SYNDIG1: variants seen among roughly 807,000 people sequenced by gnomAD.
SYNDIG1 encodes the protein synapse differentiation inducing 1.
A neutral mutation model predicts 19.4 loss-of-function variants in SYNDIG1; 9 were observed. The observed-to-expected ratio is 0.46, with a 90% CI of 0.28 to 0.81. SYNDIG1 has a LOEUF of 0.81. SYNDIG1 is among the 30% of genes least tolerant of loss of function. SYNDIG1 has a pLI of 0.12. For synonymous variants in SYNDIG1, 141 were observed against 145.9 expected, an observed-to-expected ratio of 0.97 and a Z score of 0.24; for missense variants, 311 against 343.3, an observed-to-expected ratio of 0.91 and a Z score of 0.74.
At chr20:24,660,164 C>A (rs2059569890) in intron 3 of SYNDIG1, among the ~76,000 whole-genome samples, 2 of 152,186 alleles carry the variant, frequency 1.3e-5, no homozygotes, top group South Asian at 4.1e-4. Flanking sequence ...GTCAGGGCAA[C>A]CATGAGTCAG....
intron 2 of SYNDIG1, among the ~76,000 whole-genome samples, chr20:24,564,273 A>G (rs1432307047): frequency 6.6e-6 from 1 of 152,232 alleles, no homozygotes; most frequent in Non-Finnish European, 1.5e-5. Context: ...TTGTATTACA[A>G]TACAGTTCAG....
chr20:24,662,566 G>A (rs1367134982), intron 3 of SYNDIG1, among the ~76,000 whole-genome samples: 2 of 152,156 alleles, frequency 1.3e-5, no homozygotes, highest in East Asian at 3.9e-4. Context: ...TGTTAAGGCT[G>A]TGCCTCTGCT....
chr20:24,587,592 C>T (rs1472425282), intron 3 of SYNDIG1, among the ~76,000 whole-genome samples: 1 of 152,272 alleles, frequency 6.6e-6, no homozygotes, highest in East Asian at 1.9e-4. Flanking sequence ...CAGAATAGAA[C>T]AGATGCAATC....
intron 1 of SYNDIG1, among the ~76,000 whole-genome samples, chr20:24,487,369 G>A (rs1419107951): frequency 6.6e-6 from 1 of 152,174 alleles, no homozygotes; most frequent in Non-Finnish European, 1.5e-5. Context: ...CTGAGGTGAT[G>A]AGTGTTACAA....
chr20:24,571,340 T>C (rs963170298), intron 2 of SYNDIG1, among the ~76,000 whole-genome samples: 2 of 152,208 alleles, frequency 1.3e-5, no homozygotes, highest in African/African-American at 4.8e-5. Context: ...TTTCTGGATT[T>C]TGATCATTGC....
At chr20:24,641,825 G>A (rs933889068) in intron 3 of SYNDIG1, among the ~76,000 whole-genome samples, 1 of 152,154 alleles carries the variant, frequency 6.6e-6, no homozygotes, top group Non-Finnish European at 1.5e-5. Context: ...TGTTTTTAAA[G>A]TCAACTTTTT....
At chr20:24,621,204 A>C (rs577809238) in intron 3 of SYNDIG1, among the ~76,000 whole-genome samples, 1 of 152,374 alleles carries the variant, frequency 6.6e-6, no homozygotes, top group African/African-American at 2.4e-5. Context: ...GTCTCAACAA[A>C]AGAGAGCAAC....
intron 1 of SYNDIG1, among the ~76,000 whole-genome samples, chr20:24,535,058 G>A (rs898958625): frequency 6.6e-6 from 1 of 152,178 alleles, no homozygotes; most frequent in Non-Finnish European, 1.5e-5. Flanking sequence ...TGCTGGTTTA[G>A]GTTTAGGAAG....
intron 3 of SYNDIG1, chr20:24,596,712 G>A (rs1439058535): frequency 6.6e-6 from 1 of 152,276 alleles, no homozygotes; most frequent in Non-Finnish European, 1.5e-5. Flanking sequence ...GACTCGTGGT[G>A]TTTTACCTAC....
chr20:24,653,206 T>C (rs1324658941), intron 3 of SYNDIG1, among the ~76,000 whole-genome samples: 2 of 152,106 alleles, frequency 1.3e-5, no homozygotes, highest in Non-Finnish European at 2.9e-5. Context: ...GAAACAGAGA[T>C]GTCAGCACGT....
At chr20:24,514,988 A>G (rs964581627) in intron 1 of SYNDIG1, among the ~76,000 whole-genome samples, 7 of 152,218 alleles carry the variant, frequency 4.6e-5, no homozygotes, top group Admixed American at 4.6e-4. Flanking sequence ...AAACAGCTCA[A>G]CTACATGGAA....
At chr20:24,590,700 G>C (rs536409972) in intron 3 of SYNDIG1, among the ~76,000 whole-genome samples, 1 of 152,160 alleles carries the variant, frequency 6.6e-6, no homozygotes, top group Non-Finnish European at 1.5e-5. Flanking sequence ...ACCTGCAGCG[G>C]GGCCTCTCAA....
chr20:24,663,407 A>C (rs971796584), intron 3 of SYNDIG1, among the ~76,000 whole-genome samples: 2 of 152,218 alleles, frequency 1.3e-5, no homozygotes, highest in African/African-American at 4.8e-5. Flanking sequence ...TGGTGCGTCT[A>C]TATGCAGAAC....
chr20:24,533,167 T>C (rs977457528), intron 1 of SYNDIG1, among the ~76,000 whole-genome samples: 1 of 152,056 alleles, frequency 6.6e-6, no homozygotes, highest in Non-Finnish European at 1.5e-5. Flanking sequence ...ATGCTCTCCC[T>C]GCAATCAGGC....
At chr20:24,517,643 T>TAC (rs2056906959) in intron 1 of SYNDIG1, among the ~76,000 whole-genome samples, 1 of 144,224 alleles carries the variant, frequency 6.9e-6, no homozygotes, top group Admixed American at 7.1e-5. Context: ...TATATATATA[T>TAC]ATACACATAT....
intron 2 of SYNDIG1, among the ~76,000 whole-genome samples, chr20:24,573,487 C>T (rs1237556858): frequency 6.6e-6 from 1 of 152,194 alleles, no homozygotes; most frequent in East Asian, 1.9e-4. Context: ...GTGTACAACA[C>T]AAATTATATC....
chr20:24,517,317 A>G (rs1022526182), intron 1 of SYNDIG1, among the ~76,000 whole-genome samples: 6 of 150,888 alleles, frequency 4.0e-5, no homozygotes, highest in African/African-American at 1.5e-4. Context: ...AAAAATAAAT[A>G]AATAAATATA....
intron 1 of SYNDIG1, among the ~76,000 whole-genome samples, chr20:24,540,759 A>T (rs1189501203): frequency 6.6e-6 from 1 of 152,144 alleles, no homozygotes; most frequent in African/African-American, 2.4e-5. Context: ...TCACTTGATC[A>T]TGGTATATGA....
chr20:24,650,474 C>T (rs976471008), intron 3 of SYNDIG1, among the ~76,000 whole-genome samples: 4 of 152,334 alleles, frequency 2.6e-5, no homozygotes, highest in African/African-American at 9.6e-5. Context: ...TAGTCAGCAC[C>T]ATGGAGCCAA....
Sources: allele counts gnomAD v4.1 joint callset (sites outside exome capture counted in the v4.1 genomes callset), GRCh38; gene constraint gnomAD v4.1.1; transcripts MANE v1.5; gene names NCBI Gene and HGNC (gene_info 2026-07-23, HGNC 2026-07-21).